KALRN: variants seen among roughly 807,000 people sequenced by gnomAD.
KALRN encodes kalirin.
KALRN carries 70 observed loss-of-function variants against 353.7 expected under a neutral mutation model. The ratio of observed to expected loss-of-function variants is 0.20; its 90% CI spans 0.16 to 0.24. The LOEUF (loss-of-function observed/expected upper bound fraction) is 0.24, where lower values mean the gene tolerates loss of function less well. Among genes scored for constraint, KALRN ranks in the 10% least tolerant of loss-of-function variants. KALRN has a pLI of 1.00. For synonymous variants in KALRN, 1,391 were observed against 1,434.8 expected, an observed-to-expected ratio of 0.97 and a Z score of 0.69; for missense variants, 2,791 against 3,756.7, an observed-to-expected ratio of 0.74 and a Z score of 6.72.
chr3:124,454,933 C>A (rs918561926), intron 21 of KALRN, among the ~76,000 whole-genome samples: 1 of 152,120 alleles, frequency 6.6e-6, no homozygotes, highest in Non-Finnish European at 1.5e-5. Flanking sequence ...AAGTTCCCCC[C>A]ACCCCAGCAC....
In KALRN at chr3:124,633,860, A is replaced by T. The variant is rs1227408257; in HGVS notation, c.5475A>T (p.Lys1825Asn). Residue 1825 changes from lysine to asparagine, a missense_variant, in exon 36 of 60, where the codon AAA becomes AAT. Physicochemically the swap from Lys to Asn is moderately conservative, Grantham distance 94 (BLOSUM62 0). This residue lies in a region of KALRN where 1,065 missense variants were observed against 1,156.4 expected (regional missense o/e 0.92). Transcript: ENST00000682506. ...PQGDSADESK[K>N]GWGEDEPDEE... ...CTCTTTTGTTCTAGAAGAGCAAGAA[A>T]GGTTGGGGTGAAGATGAGCCGGATG... The T allele has an allele frequency of 6.2e-7, 1 of 1,613,916 alleles. No homozygotes were observed. The highest frequency in any genetic ancestry group is 1.1e-5 in the South Asian group (1 of 91,000).
At chr3:124,282,959 C>G (rs899906881) in intron 5 of KALRN, among the ~76,000 whole-genome samples, 4 of 152,182 alleles carry the variant, frequency 2.6e-5, no homozygotes, top group Non-Finnish European at 5.9e-5. Context: ...AGTCCTCCTC[C>G]TAAGCTCAAG....
chr3:124,500,671 A>G (rs1265160925), intron 33 of KALRN, among the ~76,000 whole-genome samples: 1 of 152,168 alleles, frequency 6.6e-6, no homozygotes. Flanking sequence ...ACTTAAATGG[A>G]TCTGTATAGC....
At chr3:124,567,191 T>A (rs937899625) in intron 34 of KALRN, among the ~76,000 whole-genome samples, 3 of 152,088 alleles carry the variant, frequency 2.0e-5, no homozygotes, top group African/African-American at 7.2e-5. Flanking sequence ...TTTTAAGTGT[T>A]CCATAGGTGA....
At chr3:124,628,496 CCCTT>C (rs1378767743) in intron 34 of KALRN, among the ~76,000 whole-genome samples, 9 of 53,882 alleles carry the variant, frequency 1.7e-4, no homozygotes, top group African/African-American at 3.8e-4. Flanking sequence ...TCCCTCCCTT[CCCTT>C]CCTTCCCTTC....
chr3:124,384,694 G>A lies in KALRN; in HGVS notation c.1771-151G>A, dbSNP rs546565586. The A allele has an allele frequency of 7.7e-6, 5 of 651,242 alleles. No homozygotes were observed. In the East Asian group the frequency reaches 8.9e-5, roughly 12 times the overall value. The allele number at this position is 651,242 out of a possible 1,614,324, so 40.3% of individuals were successfully genotyped here. A position where few individuals can be genotyped will look rare whatever the true frequency, so the allele number is the denominator to read the frequency against. ...GGCTGCTCGCTTGCTGAGAGGCGGC[G>A]TGCCAGCTCCGCGCACCGCGCCTCA... is the stretch of plus-strand genomic sequence containing the variant. On this transcript the variant is annotated intron_variant, in intron 10 of 59. Transcript: ENST00000682506.
chr3:124,383,242 C>G (rs977842439), intron 10 of KALRN, among the ~76,000 whole-genome samples: 2 of 152,164 alleles, frequency 1.3e-5, no homozygotes, highest in Admixed American at 6.5e-5. Context: ...GGTCCTATGC[C>G]AGTACAATCA....
At chr3:124,510,105 C>A (rs986354030) in intron 33 of KALRN, among the ~76,000 whole-genome samples, 2 of 152,170 alleles carry the variant, frequency 1.3e-5, no homozygotes, top group African/African-American at 4.8e-5. Context: ...TCGCACTACA[C>A]CAGAACAAAC....
At chr3:124,564,159 C>T (rs796095610) in intron 34 of KALRN, among the ~76,000 whole-genome samples, 7 of 133,924 alleles carry the variant, frequency 5.2e-5, no homozygotes, top group African/African-American at 1.4e-4. Flanking sequence ...GAGTCGAGAT[C>T]GCGCCACCGC....
chr3:124,250,531 C>A (rs1166067788), intron 3 of KALRN, among the ~76,000 whole-genome samples: 1 of 152,212 alleles, frequency 6.6e-6, no homozygotes, highest in African/African-American at 2.4e-5. Flanking sequence ...AGAAAGGCTC[C>A]TTGTGTCTTA....
chr3:124,301,113 G>A (rs184684950), intron 6 of KALRN, among the ~76,000 whole-genome samples: 2 of 152,238 alleles, frequency 1.3e-5, no homozygotes, highest in East Asian at 3.9e-4. Flanking sequence ...ACCATAATTA[G>A]GGAGGTAAAT....
At chr3:124,574,799 T>C (rs2073920343) in intron 34 of KALRN, among the ~76,000 whole-genome samples, 1 of 152,112 alleles carries the variant, frequency 6.6e-6, no homozygotes, top group Non-Finnish European at 1.5e-5. Flanking sequence ...GTCTGGACAA[T>C]CTTGGGATGT....
chr3:124,451,908 A>C (rs1378169509), intron 21 of KALRN, among the ~76,000 whole-genome samples: 3 of 152,098 alleles, frequency 2.0e-5, no homozygotes, highest in Non-Finnish European at 4.4e-5. Flanking sequence ...CTGTGATTTC[A>C]CTTCTACTCT....
intron 33 of KALRN, among the ~76,000 whole-genome samples, chr3:124,497,222 T>C (rs1049896097): frequency 1.3e-5 from 2 of 152,216 alleles, no homozygotes; most frequent in African/African-American, 4.8e-5. Flanking sequence ...TTGCTTACTC[T>C]AGAATCCAAA....
intron 1 of KALRN, among the ~76,000 whole-genome samples, chr3:124,054,585 T>C (rs2041356305): frequency 1.3e-5 from 2 of 152,098 alleles, no homozygotes; most frequent in African/African-American, 4.8e-5. Flanking sequence ...CCTATCTTCA[T>C]GGTGCTCAGT....
At position 124,320,273 on chromosome 3, in the gene KALRN, C is replaced by T. The variant is rs1186592724; in HGVS notation, c.1093-5707C>T. 4.6e-5 allele frequency among the ~76,000 whole-genome samples: 7 copies of T among 152,112 alleles called. No individual in the cohort carries two copies. In the South Asian group the frequency reaches 8.3e-4, roughly 18 times the overall value. On this transcript the variant is annotated intron_variant, in intron 6 of 59. Transcript: ENST00000682506. ...AGGGCCCCTTTAGGGAAAGTGTCCC[C>T]GAAGTGGTGGTTATACCTTGCCTCC...
At chr3:124,322,144 A>C (rs2079399110) in intron 6 of KALRN, among the ~76,000 whole-genome samples, 1 of 152,170 alleles carries the variant, frequency 6.6e-6, no homozygotes, top group South Asian at 2.1e-4. Context: ...GTCCATCTCC[A>C]GTCTTGGTCC....
intron 10 of KALRN, among the ~76,000 whole-genome samples, chr3:124,366,556 G>T (rs1478095816): frequency 6.7e-6 from 1 of 149,738 alleles, no homozygotes; most frequent in African/African-American, 2.5e-5. Flanking sequence ...CAAGGCAGAA[G>T]AATTTTTCTT....
At chr3:124,044,560 G>A (rs2040249900) in intron 1 of KALRN, among the ~76,000 whole-genome samples, 2 of 148,360 alleles carry the variant, frequency 1.3e-5, no homozygotes, top group African/African-American at 5.0e-5. Flanking sequence ...GTTGCAGTGA[G>A]CCAAGGTCGC....
Sources: allele counts gnomAD v4.1 joint callset (sites outside exome capture counted in the v4.1 genomes callset), GRCh38; gene constraint gnomAD v4.1.1; regional missense constraint gnomAD v4.1.1; transcripts MANE v1.5; gene names NCBI Gene and HGNC (gene_info 2026-07-23, HGNC 2026-07-21).